Variants in ANO3 observed in about 807,000 individuals in gnomAD.
ANO3 encodes anoctamin-3.
ANO3 carries 99 observed loss-of-function variants against 144.8 expected under a neutral mutation model. The observed-to-expected ratio is 0.68, with a 90% confidence interval of 0.58 to 0.81. The LOEUF (loss-of-function observed/expected upper bound fraction) is 0.81. Among genes scored for constraint, ANO3 ranks in the 30% least tolerant of loss-of-function variants. The pLI, the probability that ANO3 is intolerant of heterozygous loss-of-function variation, is 0.00. For missense variants in ANO3, 905 were observed against 1,202.2 expected (o/e 0.75, Z 3.66); for synonymous variants, 414 against 392.6 (o/e 1.05, Z -0.64).
At chr11:26,404,968 TG>T in intron 1 of ANO3, among the ~76,000 whole-genome samples, 1 of 151,102 alleles carries the variant, frequency 6.6e-6, no homozygotes, top group Non-Finnish European at 1.5e-5. Flanking sequence ...TGTGTGTGTG[TG>T]TGTGTGTGTG....
intron 6 of ANO3, among the ~76,000 whole-genome samples, chr11:26,524,464 A>G (rs548522405): frequency 5.9e-5 from 9 of 152,294 alleles, no homozygotes; most frequent in East Asian, 1.9e-4. Context: ...CTAAGCAGCT[A>G]ATAACATACT....
intron 14 of ANO3, among the ~76,000 whole-genome samples, chr11:26,597,076 GA>G (rs1851652530): frequency 6.6e-6 from 1 of 152,070 alleles, no homozygotes; most frequent in South Asian, 2.1e-4. Context: ...TCTAAGGAAG[GA>G]TAGGACAGAA....
At chr11:26,342,625 G>A (rs1044058326) in intron 1 of ANO3, among the ~76,000 whole-genome samples, 73 of 152,228 alleles carry the variant, frequency 4.8e-4, no homozygotes, top group African/African-American at 1.7e-3. Context: ...TACCCAATTT[G>A]TGGTATTTTG....
At position 26,635,052 on chromosome 11, in the gene ANO3, C is replaced by T; in HGVS notation, c.2025C>T (p.Asp675=). 6.2e-7 allele frequency: 1 copy of T among 1,613,314 alleles called. No homozygotes were observed. Among genetic ancestry groups the T allele is most frequent in the Non-Finnish European group, 8.5e-7 (1 of 1,179,470 alleles). ...CAGGAAAATACAATAAACTTTTTGA[C>T]CGGTGGAGACTGGAGGAAGTAAGTA... The part of the protein sequence containing the change: ...GHPGKYNKLF[D]RWRLEECHPS... The change falls in exon 20 of 27, where the codon GAC becomes GAT. Residue 675 remains aspartate (D), a synonymous_variant. Transcript: ENST00000256737.
intron 1 of ANO3, among the ~76,000 whole-genome samples, chr11:26,385,903 T>A (rs12290723): frequency 0.18 from 26,022 of 147,634 alleles, 2,421 homozygotes; most frequent in South Asian, 0.26. Flanking sequence ...GTATATATAT[T>A]TATATACATA....
At chr11:26,378,347 ATATC>A (rs1856472174) in intron 1 of ANO3, among the ~76,000 whole-genome samples, 2 of 148,172 alleles carry the variant, frequency 1.3e-5, no homozygotes, top group African/African-American at 4.9e-5. Context: ...TAGATTATAT[ATATC>A]TATAAATATC....
intron 1 of ANO3, among the ~76,000 whole-genome samples, chr11:26,440,390 G>A (rs1009974960): frequency 6.6e-5 from 10 of 152,120 alleles, no homozygotes; most frequent in African/African-American, 2.4e-4. Context: ...TAATATGAAT[G>A]ACAGGGGGTG....
chr11:26,612,253 CT>C (rs1852120872), intron 17 of ANO3, among the ~76,000 whole-genome samples: 1 of 151,910 alleles, frequency 6.6e-6, no homozygotes, highest in African/African-American at 2.4e-5. Flanking sequence ...TTTTCTTACT[CT>C]TGGCATTTGT....
intron 10 of ANO3, among the ~76,000 whole-genome samples, chr11:26,540,299 A>G (rs1849611839): frequency 6.6e-6 from 1 of 152,206 alleles, no homozygotes; most frequent in African/African-American, 2.4e-5. Context: ...CATAAACATA[A>G]TCCATCATAT....
chr11:26,379,671 T>C (rs1442519640), intron 1 of ANO3, among the ~76,000 whole-genome samples: 2 of 151,892 alleles, frequency 1.3e-5, no homozygotes, highest in African/African-American at 4.8e-5. Flanking sequence ...CATGCACCTG[T>C]GGTATCAGCC....
chr11:26,593,106 A>G (rs1006954090), intron 14 of ANO3, among the ~76,000 whole-genome samples: 1 of 152,138 alleles, frequency 6.6e-6, no homozygotes, highest in Non-Finnish European at 1.5e-5. Context: ...GTTTCTGTAC[A>G]GCCAATAATA....
chr11:26,424,885 C>T (rs377020476), intron 1 of ANO3, among the ~76,000 whole-genome samples: 276 of 150,860 alleles, frequency 1.8e-3, no homozygotes, highest in African/African-American at 6.3e-3. Flanking sequence ...GTATTTTATA[C>T]ATATATATAT....
intron 3 of ANO3, among the ~76,000 whole-genome samples, chr11:26,444,734 C>T (rs539319595): frequency 2.0e-4 from 31 of 152,222 alleles, no homozygotes; most frequent in African/African-American, 7.5e-4. Flanking sequence ...TCTCTACAGG[C>T]ATTGTTAAAT....
chr11:26,525,390 A>G (rs1284331218), intron 6 of ANO3, among the ~76,000 whole-genome samples: 1 of 151,806 alleles, frequency 6.6e-6, no homozygotes, highest in African/African-American at 2.4e-5. Flanking sequence ...AAATAATTCT[A>G]TTTTTTCAAA....
chr11:26,283,604 T>C (rs1853734656), intron 1 of ANO3, among the ~76,000 whole-genome samples: 1 of 152,016 alleles, frequency 6.6e-6, no homozygotes, highest in Non-Finnish European at 1.5e-5. Context: ...TATCACTTAG[T>C]GAGATTTCTC....
chr11:26,531,283 C>T lies in ANO3; in HGVS notation c.816C>T (p.Asp272=). The T allele has an allele frequency of 6.2e-7, 1 of 1,614,016 alleles. No homozygotes were observed. The highest frequency in any genetic ancestry group is 8.5e-7 in the Non-Finnish European group (1 of 1,179,966). ...TTCTTGACAAGTCAGCTTTTCCAGA[C>T]CTAGAGGAGTCAGACTGCTATACTG... ...PMVLDKSAFP[D]LEESDCYTGP... is the part of the protein sequence containing the mutation. The change falls in exon 8 of 27, where the codon GAC becomes GAT. Residue 272 remains aspartate, a synonymous_variant. Coordinates refer to ENST00000256737, the MANE Select transcript of ANO3 (RefSeq NM_031418.4).
upstream of ANO3, among the ~76,000 whole-genome samples, chr11:26,306,632 C>G (rs1264383434): frequency 6.6e-6 from 1 of 152,122 alleles, no homozygotes; most frequent in African/African-American, 2.4e-5. Flanking sequence ...CCACCACACT[C>G]CAGCCTGGAT....
Position 26,276,542 on chromosome 11 carries a change from A to C in ANO3, c.155-33103A>C, listed in dbSNP as rs373396930. On this transcript the variant is annotated intron_variant, in intron 1 of 27. Transcript: ENST00000672621. ...GTGTTCAAATAGGGATCCGTTTCTA[A>C]ACAAATAAACTTCCATAAAATGGAT... is the stretch of plus-strand genomic sequence containing the variant. Among the ~76,000 whole-genome samples, 3 of 152,142 alleles carry C rather than the reference A, an allele frequency of 2.0e-5. No individual in the cohort carries two copies. In the East Asian group the frequency reaches 5.8e-4, roughly 29 times the overall value.
Position 26,601,310 on chromosome 11 carries a change from A to C in ANO3, c.1836+1596A>C, listed in dbSNP as rs551520352. ...CTGGAGGGAGTTGAGACCATTTGCT[A>C]TTTAACTTTAAAACAATAATCAGAG... On this transcript the variant is annotated intron_variant, in intron 17 of 26. Transcript: ENST00000256737. Among the ~76,000 whole-genome samples the C allele has an allele frequency of 8.5e-5, 13 of 152,302 alleles. No individual in the cohort carries two copies. In the South Asian group the frequency reaches 2.7e-3, roughly 32 times the overall value.
Sources: gnomAD v4.1 joint callset for allele counts (sites outside exome capture counted in the v4.1 genomes callset) on GRCh38, gnomAD v4.1.1 for gene constraint, MANE v1.5 for transcripts, NCBI Gene and HGNC (gene_info 2026-07-23, HGNC 2026-07-21) for gene names.